The following AKT3 variants were observed in gnomAD, a reference collection of about 807,000 sequenced individuals.
AKT3 encodes the protein AKT serine/threonine kinase 3.
In AKT3, 15 loss-of-function variants were observed where a neutral mutation model predicts 65.3. The ratio of observed to expected loss-of-function variants is 0.23; its 90% CI spans 0.15 to 0.35. The LOEUF is 0.35. AKT3 is among the 10% of genes least tolerant of loss of function. The probability of loss-of-function intolerance (pLI) is 1.00; values close to 1 mark genes in which losing one functional copy is unlikely to be tolerated. For missense variants in AKT3, 243 were observed against 576.5 expected, an observed-to-expected ratio of 0.42 and a Z score of 5.92; for synonymous variants, 206 against 183.8, an observed-to-expected ratio of 1.12 and a Z score of -0.98.
At chr1:243,815,904 A>G (rs1199656085) in intron 2 of AKT3, among the ~76,000 whole-genome samples, 1 of 152,032 alleles carries the variant, frequency 6.6e-6, no homozygotes, top group Non-Finnish European at 1.5e-5. Flanking sequence ...GCTGTGTGCC[A>G]CCGTGCCCTG....
At chr1:243,627,879 A>G (rs1322550947) in intron 6 of AKT3, among the ~76,000 whole-genome samples, 1 of 152,244 alleles carries the variant, frequency 6.6e-6, no homozygotes, top group Non-Finnish European at 1.5e-5. Context: ...ACTACCTGAA[A>G]GGACACATAT....
At chr1:243,639,243 A>G (rs1486427347) in intron 5 of AKT3, among the ~76,000 whole-genome samples, 1 of 152,192 alleles carries the variant, frequency 6.6e-6, no homozygotes, top group Non-Finnish European at 1.5e-5. Context: ...GTGGTTAAAT[A>G]CCTTTCATCA....
intron 8 of AKT3, among the ~76,000 whole-genome samples, chr1:243,576,817 T>C (rs1225827740): frequency 6.6e-6 from 1 of 152,142 alleles, no homozygotes; most frequent in Non-Finnish European, 1.5e-5. Flanking sequence ...AATTTATAGA[T>C]TCAATGCTAT....
intron 1 of AKT3, among the ~76,000 whole-genome samples, chr1:243,849,504 C>T (rs1695665231): frequency 6.6e-6 from 1 of 151,128 alleles, no homozygotes; most frequent in Admixed American, 6.6e-5. Context: ...CCACCCCACG[C>T]GCAGACAGCC....
chr1:243,782,298 C>T (rs1272621397), intron 2 of AKT3, among the ~76,000 whole-genome samples: 1 of 152,156 alleles, frequency 6.6e-6, no homozygotes, highest in Non-Finnish European at 1.5e-5. Flanking sequence ...AACAAAAATA[C>T]CATAAAGTAG....
chr1:243,695,976 G>C (rs1033679854), intron 2 of AKT3, among the ~76,000 whole-genome samples: 15 of 151,848 alleles, frequency 9.9e-5, no homozygotes, highest in East Asian at 1.9e-4. Context: ...AGAATCATCT[G>C]AGTACACATT....
chr1:243,793,054 G>A (rs1454837255), intron 2 of AKT3, among the ~76,000 whole-genome samples: 2 of 152,246 alleles, frequency 1.3e-5, no homozygotes, highest in East Asian at 1.9e-4. Context: ...AGTAACACCC[G>A]AAGTGAAGCA....
At chr1:243,847,388 C>A (rs1202188866) in intron 1 of AKT3, among the ~76,000 whole-genome samples, 1 of 152,112 alleles carries the variant, frequency 6.6e-6, no homozygotes, top group Non-Finnish European at 1.5e-5. Context: ...GCCTTACCTT[C>A]CCAAGGACAA....
chr1:243,666,689 G>GT (rs1420563350), intron 3 of AKT3, among the ~76,000 whole-genome samples: 26 of 152,178 alleles, frequency 1.7e-4, no homozygotes, highest in African/African-American at 5.8e-4. Flanking sequence ...TACAACCATC[G>GT]TAAGTCAGAA....
chr1:243,606,712 G>A (rs1263037953), intron 8 of AKT3, among the ~76,000 whole-genome samples: 1 of 152,242 alleles, frequency 6.6e-6, no homozygotes, highest in South Asian at 2.1e-4. Context: ...AGACAAAGGA[G>A]AAAATGTCTT....
chr1:243,660,310 T>G (rs937292359), intron 4 of AKT3, among the ~76,000 whole-genome samples: 1 of 152,198 alleles, frequency 6.6e-6, no homozygotes, highest in Non-Finnish European at 1.5e-5. Context: ...TGTATTTCTG[T>G]GGGATCTGTG....
At chr1:243,591,825 C>T (rs1329956073) in intron 8 of AKT3, among the ~76,000 whole-genome samples, 1 of 150,486 alleles carries the variant, frequency 6.6e-6, no homozygotes, top group Non-Finnish European at 1.5e-5. Flanking sequence ...CTTAAAGACA[C>T]AGGGGGAAAA....
chr1:243,599,270 G>T (rs1336588010), intron 8 of AKT3, among the ~76,000 whole-genome samples: 1 of 152,072 alleles, frequency 6.6e-6, no homozygotes, highest in Non-Finnish European at 1.5e-5. Context: ...AGATGAAAAT[G>T]TATACCAACA....
In AKT3 at chr1:243,677,207, T is replaced by G. The variant is rs1376964408; in HGVS notation, c.173-12324A>C. ...TCTCACCTGACACATACTCCCTTCCTTTTTACTTAGATTCTAGTCACTCAA... is the reference window on the plus strand; with the variant it reads ...TCTCACCTGACACATACTCCCTTCCGTTTTACTTAGATTCTAGTCACTCAA... On this transcript the variant is annotated intron_variant, in intron 3 of 13. Coordinates refer to ENST00000673466, the MANE Select transcript of AKT3 (RefSeq NM_005465.7). Among the ~76,000 whole-genome samples the G allele has an allele frequency of 2.0e-5, 3 of 152,166 alleles. No homozygotes were observed. The East Asian group carries it at 5.8e-4, about 29-fold the overall frequency.
intron 2 of AKT3, among the ~76,000 whole-genome samples, chr1:243,706,979 G>C (rs890409142): frequency 2.6e-5 from 4 of 152,184 alleles, no homozygotes; most frequent in Admixed American, 1.3e-4. Flanking sequence ...AGCTGTGTGA[G>C]AGACAGTGAA....
chr1:243,780,144 G>A (rs912421898), intron 2 of AKT3, among the ~76,000 whole-genome samples: 7 of 152,012 alleles, frequency 4.6e-5, no homozygotes, highest in African/African-American at 1.2e-4. Context: ...AGAATCATAC[G>A]ACAAGATTCC....
In AKT3 at chr1:243,794,091, C is replaced by T. The variant is rs996022191; in HGVS notation, c.46+49034G>A. Among the ~76,000 whole-genome samples, 6 of 152,186 alleles carry T rather than the reference C, an allele frequency of 3.9e-5. No individual in the cohort carries two copies. In the East Asian group the frequency reaches 7.7e-4, roughly 20 times the overall value. Reference sequence around the variant, plus strand: ...TCACCCAGGGTACAGTGCAGTAGCACGATCATGGCTCAGCTCACTGCAGCC... The same window carrying T: ...TCACCCAGGGTACAGTGCAGTAGCATGATCATGGCTCAGCTCACTGCAGCC... On this transcript the variant is annotated intron_variant, in intron 2 of 13. Coordinates refer to ENST00000673466, the MANE Select transcript of AKT3 (RefSeq NM_005465.7).
intron 2 of AKT3, among the ~76,000 whole-genome samples, chr1:243,699,482 T>C (rs1463635792): frequency 1.1e-4 from 2 of 18,876 alleles, no homozygotes; most frequent in African/African-American, 1.9e-4. Flanking sequence ...TATATATATA[T>C]ATATATATAT....
intron 2 of AKT3, among the ~76,000 whole-genome samples, chr1:243,809,371 A>C (rs947160816): frequency 6.6e-6 from 1 of 152,142 alleles, no homozygotes; most frequent in African/African-American, 2.4e-5. Flanking sequence ...AAAAAAGGCA[A>C]GGGCTGCAAT....
Sources: gnomAD v4.1 joint callset for allele counts (sites outside exome capture counted in the v4.1 genomes callset) on GRCh38, gnomAD v4.1.1 for gene constraint, MANE v1.5 for transcripts, NCBI Gene and HGNC (gene_info 2026-07-23, HGNC 2026-07-21) for gene names.